PLA2G4C: variants seen among roughly 807,000 people sequenced by gnomAD.
PLA2G4C encodes cytosolic phospholipase A2 gamma.
In PLA2G4C, 64 loss-of-function variants were observed where a neutral mutation model predicts 73.8. The ratio of observed to expected loss-of-function variants is 0.87; its 90% CI spans 0.71 to 1.07. The LOEUF (loss-of-function observed/expected upper bound fraction) is 1.07. Among genes scored for constraint, PLA2G4C ranks in the 50% least tolerant of loss-of-function variants. PLA2G4C has a pLI of 0.00. For synonymous variants in PLA2G4C, 254 were observed against 252.1 expected (o/e 1.01, Z -0.07); for missense variants, 622 against 665.4 (o/e 0.93, Z 0.72).
chr19:48,061,827 G>C, intron 14 of PLA2G4C, 171 bp downstream of exon 14: 3 of 676,632 alleles, frequency 4.4e-6, no homozygotes, highest in Non-Finnish European at 7.7e-6. Flanking sequence ...GGATGTGGCC[G>C]ACCGCGGGTG....
At chr19:48,073,582 A>G (rs185128428) in intron 12 of PLA2G4C, among the ~76,000 whole-genome samples, 22 of 151,840 alleles carry the variant, frequency 1.4e-4, no homozygotes, top group South Asian at 4.2e-4. Flanking sequence ...GGGTGGGCGT[A>G]TCAGTCCATT....
intron 13 of PLA2G4C, among the ~76,000 whole-genome samples, chr19:48,063,228 G>A (rs1381779748): frequency 6.6e-6 from 1 of 152,092 alleles, no homozygotes; most frequent in Non-Finnish European, 1.5e-5. Context: ...ATTTCTAGTA[G>A]AGACAAGGTT....
At chr19:48,054,080 A>G (rs1243980222) in intron 15 of PLA2G4C, among the ~76,000 whole-genome samples, 1 of 152,152 alleles carries the variant, frequency 6.6e-6, no homozygotes, top group Admixed American at 6.5e-5. Context: ...GACTCACTCA[A>G]CCATCAGATG....
chr19:48,090,207 C>T, intron 8 of PLA2G4C, 157 bp downstream of exon 8: 1 of 643,256 alleles, frequency 1.6e-6, no homozygotes, highest in Non-Finnish European at 2.8e-6. Flanking sequence ...CTGTGGTCAT[C>T]CTGGCTGCCC....
chr19:48,091,902 AAAAAAAAT>A (rs1420679110), intron 7 of PLA2G4C, among the ~76,000 whole-genome samples: 2,079 of 146,574 alleles, frequency 0.014, 63 homozygotes, highest in Non-Finnish European at 0.021. Flanking sequence ...AAAAAAAAAA[AAAAAAAAT>A]AGACACACCC....
At chr19:48,086,526 T>G (rs547145771) in intron 9 of PLA2G4C, among the ~76,000 whole-genome samples, 26 of 152,174 alleles carry the variant, frequency 1.7e-4, no homozygotes, top group Non-Finnish European at 3.1e-4. Context: ...GGCTTTGCCC[T>G]GCCACCCGCC....
intron 7 of PLA2G4C, 136 bp from the exon 8 acceptor site, chr19:48,090,553 T>C (rs1259448209): frequency 1.4e-6 from 1 of 699,674 alleles, no homozygotes; most frequent in African/African-American, 1.8e-5. Context: ...TTCCATTCCA[T>C]AAATATTTAT....
chr19:48,067,810 G>A lies in PLA2G4C; in HGVS notation c.1083C>T (p.His361=). 2 of 1,610,256 alleles carry A rather than the reference G, an allele frequency of 1.2e-6. No individual in the cohort carries two copies. Among genetic ancestry groups the A allele is most frequent in the Non-Finnish European group, 1.7e-6 (2 of 1,176,532 alleles). The change falls in exon 13 of 17, where the codon CAC becomes CAT. Residue 361 remains histidine, a synonymous_variant. Transcript: ENST00000599921. ...CASKWEWGTT[H]NFLYKHGGIR... ...TCTCACCGTGTTTGTACAGGAAGTT[G>A]TGAGTGGTCCCCCATTCCCACTTTG...
Position 48,048,371 on chromosome 19 carries a change from T to C in PLA2G4C, c.1598A>G (p.Asp533Gly). The C allele has an allele frequency of 6.3e-7, 1 of 1,596,944 alleles. No homozygotes were observed. The highest frequency in any genetic ancestry group is 8.5e-7 in the Non-Finnish European group (1 of 1,174,130). The change falls in exon 17 of 17, where the codon GAT becomes GGT. Residue 533 changes from aspartate to glycine, a missense_variant. Asp to Gly is a moderately conservative substitution (Grantham distance 94, BLOSUM62 -1). Coordinates refer to ENST00000599921, the MANE Select transcript of PLA2G4C (RefSeq NM_003706.3). The part of the protein sequence containing the change: ...MNVAGLYYPK[D>G]SARSCCLA ...TGCCAAGCAGCAACTTCGGGCACTA[T>C]CCTTCGGGTAGTAGAGCCTGGGGAG...
chr19:48,106,078 C>T (rs769433414), intron 2 of PLA2G4C, among the ~76,000 whole-genome samples: 6 of 146,768 alleles, frequency 4.1e-5, no homozygotes, highest in Non-Finnish European at 9.0e-5. Flanking sequence ...TTCACTGCAA[C>T]CTCCACCTCC....
Position 48,048,189 on chromosome 19 carries a change from G to T in PLA2G4C, c.*154C>A. On this transcript the variant is annotated 3_prime_UTR_variant, in exon 17 of 17. Transcript: ENST00000599921. The stretch of plus-strand genomic sequence containing the variant: ...ATGACGCTATCAAAATCACAGTCTA[G>T]CTGGTCACTGGTGATTGGCCCTGTT... 1 of 600,760 alleles carries T rather than the reference G, an allele frequency of 1.7e-6. No homozygotes were observed. The allele number at this position is 600,760 out of a possible 1,614,324, so 37.2% of individuals were successfully genotyped here.
At chr19:48,061,943 C>A in intron 14 of PLA2G4C, 55 bp downstream of exon 14, 2 of 1,583,198 alleles carry the variant, frequency 1.3e-6, no homozygotes. Flanking sequence ...GCAAAGTCAG[C>A]TTCGCCGCAG....
In PLA2G4C at chr19:48,060,380, G is replaced by A. The variant is rs117950909; in HGVS notation, c.1257+1618C>T. 1.4e-3 allele frequency among the ~76,000 whole-genome samples: 208 copies of A among 152,218 alleles called. 4 individuals are homozygous for A. In the East Asian group the frequency reaches 0.037, roughly 27 times the overall value. ...AAGTCCTCAAGTGCCACATGTGGCCGGCAACCACTGTAGTGGACAGCTTAG... is the reference window on the plus strand; with the variant it reads ...AAGTCCTCAAGTGCCACATGTGGCCAGCAACCACTGTAGTGGACAGCTTAG... On this transcript the variant is annotated intron_variant, in intron 14 of 16. Coordinates refer to ENST00000599921, the MANE Select transcript of PLA2G4C (RefSeq NM_003706.3).
intron 15 of PLA2G4C, 25 bp downstream of exon 15, chr19:48,054,853 T>C: frequency 6.2e-7 from 1 of 1,610,372 alleles, no homozygotes; most frequent in Non-Finnish European, 8.5e-7. Flanking sequence ...AGGTGGCTTC[T>C]CACCTGCTCC....
intron 6 of PLA2G4C, 150 bp from the exon 7 acceptor site, chr19:48,095,754 T>G (rs2031535220): frequency 3.7e-6 from 3 of 812,332 alleles, no homozygotes; most frequent in Non-Finnish European, 6.0e-6. Context: ...CCACTGGGGA[T>G]CTCATCCTCA....
At position 48,094,915 on chromosome 19, in the gene PLA2G4C, T is replaced by C. The variant is rs1321331681; in HGVS notation, c.709+549A>G. 3.3e-5 allele frequency among the ~76,000 whole-genome samples: 5 copies of C among 151,600 alleles called. 1 individual carries two copies. The highest frequency in any genetic ancestry group is 2.9e-5 in the Non-Finnish European group (2 of 67,994). ...GTTTGTTTGTTTTGAGACAAGATCT[T>C]TCTCTGTCATCCAGGCTGGAGTGCA... On this transcript the variant is annotated intron_variant, in intron 7 of 16. Coordinates refer to ENST00000599921, the MANE Select transcript of PLA2G4C (RefSeq NM_003706.3).
In PLA2G4C at chr19:48,085,687, A is replaced by G. The variant is rs147391743; in HGVS notation, c.791-575T>C. 1.4e-4 allele frequency among the ~76,000 whole-genome samples: 22 copies of G among 152,276 alleles called. No individual in the cohort carries two copies. In the East Asian group the frequency reaches 4.1e-3, roughly 28 times the overall value. On this transcript the variant is annotated intron_variant, in intron 9 of 16. Transcript: ENST00000599921. ...TTAGACAGGAAATCTGAAGGAATCC[A>G]CAGTCCCTTTGAAGGAAGTGACGGG... is the stretch of plus-strand genomic sequence containing the variant.
At chr19:48,095,334 G>A (rs910672152) in intron 7 of PLA2G4C, 130 bp downstream of exon 7, 1 of 805,814 alleles carries the variant, frequency 1.2e-6, no homozygotes, top group Non-Finnish European at 2.0e-6. Flanking sequence ...CCTCTTTCTG[G>A]AAGCCTACCA....
rs1491313107 is a variant in PLA2G4C, at chr19:48,101,126, A to ATATTT, written c.258-1267_258-1266insAAATA. Among the ~76,000 whole-genome samples the ATATTT allele has an allele frequency of 5.8e-4, 43 of 74,124 alleles. 1 individual carries two copies. Among genetic ancestry groups the ATATTT allele is most frequent in the African/African-American group, 2.6e-3 (40 of 15,584 alleles). 48.6% of individuals were successfully genotyped at this position (74,124 alleles called of 152,430 possible). A position where few individuals can be genotyped will look rare whatever the true frequency, so the allele number is the denominator to read the frequency against. ...AGTCTATATATATATATATATATAT[A>ATATTT]TTTTTTTTTTTTTTTTTGAGACAGG... On this transcript the variant is annotated intron_variant, in intron 4 of 16. Coordinates refer to ENST00000599921, the MANE Select transcript of PLA2G4C (RefSeq NM_003706.3).
Sources: allele counts gnomAD v4.1 joint callset (sites outside exome capture counted in the v4.1 genomes callset), GRCh38; gene constraint gnomAD v4.1.1; transcripts MANE v1.5; gene names NCBI Gene and HGNC (gene_info 2026-07-23, HGNC 2026-07-21).